EDN3: variants seen among roughly 807,000 people sequenced by gnomAD.
EDN3 encodes the protein endothelin 3.
A neutral mutation model predicts 21.4 loss-of-function variants in EDN3; 9 were observed. That is an observed-to-expected ratio of 0.42 (90% CI 0.25 to 0.73). EDN3 has a LOEUF of 0.73. Among genes scored for constraint, EDN3 ranks in the 30% least tolerant of loss-of-function variants. EDN3 has a pLI of 0.26. For synonymous variants in EDN3, 133 were observed against 126.2 expected (o/e 1.05, Z -0.36); for missense variants, 327 against 309.4 (o/e 1.06, Z -0.43).
At chr20:59,313,857 G>A (rs892589541) in intron 2 of EDN3, among the ~76,000 whole-genome samples, 7 of 152,224 alleles carry the variant, frequency 4.6e-5, no homozygotes, top group African/African-American at 1.7e-4. Flanking sequence ...TCACTGAGGA[G>A]CTATGTTTCC....
rs866199021 is a variant in EDN3, at chr20:59,308,029, C to T, written c.365+6307C>T. 4.6e-5 allele frequency among the ~76,000 whole-genome samples: 7 copies of T among 152,228 alleles called. No individual in the cohort carries two copies. In the South Asian group the frequency reaches 1.5e-3, roughly 32 times the overall value. ...GGCAAAACCCAAATCCTTGGTCCAT[C>T]ACAAGTCCTAAATTTTATTCTGGAA... is the stretch of plus-strand genomic sequence containing the variant. On this transcript the variant is annotated intron_variant, in intron 2 of 4. Transcript: ENST00000337938.
intron 2 of EDN3, among the ~76,000 whole-genome samples, chr20:59,307,780 G>C (rs1006456678): frequency 2.6e-5 from 4 of 151,958 alleles, no homozygotes; most frequent in Non-Finnish European, 5.9e-5. Context: ...GGGCTCAATC[G>C]AATCTCCCAC....
At chr20:59,311,598 G>T (rs1477806239) in intron 2 of EDN3, among the ~76,000 whole-genome samples, 3 of 151,910 alleles carry the variant, frequency 2.0e-5, no homozygotes, top group Admixed American at 6.6e-5. Flanking sequence ...ATAATGAGCA[G>T]TGAGGACAAC....
rs903072899 is a variant in EDN3 at position 59,322,787 on chromosome 20, C to G, written c.588+370C>G. 1.3e-5 allele frequency among the ~76,000 whole-genome samples: 2 copies of G among 152,212 alleles called. No homozygotes were observed. Among genetic ancestry groups the G allele is most frequent in the African/African-American group, 4.8e-5 (2 of 41,448 alleles). ...GGCCCTGTAGGCTGCTCTGCCCAGACCCACACTTCGCCTCTGCTTCCTTAG... is the reference window on the plus strand; with the variant it reads ...GGCCCTGTAGGCTGCTCTGCCCAGAGCCACACTTCGCCTCTGCTTCCTTAG... On this transcript the variant is annotated intron_variant, in intron 4 of 4. Coordinates refer to ENST00000337938, the MANE Select transcript of EDN3 (RefSeq NM_207034.3). This position sits in a 1 kb window ranked among gnomAD's most constrained non-coding sequence, Gnocchi z 4.1.
chr20:59,322,289 A>C lies in EDN3; in HGVS notation c.543-83A>C. ...CGCACTAATGTGCTCATTGGTGGGG[A>C]AGAGGAAGTCATAATTTGACACCGA... On this transcript the variant is annotated intron_variant, in intron 3 of 4. Coordinates refer to ENST00000337938, the MANE Select transcript of EDN3 (RefSeq NM_207034.3). This position sits in a 1 kb window ranked among gnomAD's most constrained non-coding sequence, Gnocchi z 4.1. The C allele has an allele frequency of 1.3e-6, 2 of 1,486,714 alleles. No individual in the cohort carries two copies. The highest frequency in any genetic ancestry group is 9.4e-7 in the Non-Finnish European group (1 of 1,065,034). The allele number at this position is 1,486,714 out of a possible 1,614,324, so 92.1% of individuals were successfully genotyped here.
In EDN3 at chr20:59,301,684, C is replaced by T. The variant is rs1368224593; in HGVS notation, c.327C>T (p.Tyr109=). The T allele has an allele frequency of 1.9e-6, 3 of 1,614,198 alleles. No homozygotes were observed. The change falls in exon 2 of 5, where the codon TAC becomes TAT. Residue 109 remains tyrosine (Y), a synonymous_variant. Coordinates refer to ENST00000337938, the MANE Select transcript of EDN3 (RefSeq NM_207034.3). ...CCTACAAGGACAAGGAGTGTGTCTA[C>T]TATTGCCACCTGGACATCATTTGGA... ...CFTYKDKECV[Y]YCHLDIIWIN... is the part of the protein sequence containing the mutation.
At chr20:59,315,528 G>A (rs1404786710) in intron 2 of EDN3, among the ~76,000 whole-genome samples, 1 of 152,200 alleles carries the variant, frequency 6.6e-6, no homozygotes, top group Non-Finnish European at 1.5e-5. Flanking sequence ...CACCAGCTGG[G>A]CTTTTTAAAT....
chr20:59,321,907 T>C (rs1448622732), intron 3 of EDN3, among the ~76,000 whole-genome samples: 1 of 152,224 alleles, frequency 6.6e-6, no homozygotes, highest in Admixed American at 6.5e-5. Flanking sequence ...TTCCTGTTAA[T>C]GCTCCTTACT....
In EDN3 at chr20:59,325,098, G is replaced by T. The variant is rs1368659564; in HGVS notation, c.*639G>T. 1.3e-5 allele frequency: 2 copies of T among 159,708 alleles called. No individual in the cohort carries two copies. The highest frequency in any genetic ancestry group is 1.2e-4 in the Admixed American group (2 of 17,242). The allele number at this position is 159,708 out of a possible 1,614,324, so 9.9% of individuals were successfully genotyped here. On this transcript the variant is annotated 3_prime_UTR_variant, in exon 5 of 5. Coordinates refer to ENST00000337938, the MANE Select transcript of EDN3 (RefSeq NM_207034.3). ...TCCTTGATGTTTGTGACAAGAAAAT[G>T]AGAAAGTTAGTATCTGCAATACAGA...
chr20:59,322,425 G>T lies in EDN3; in HGVS notation c.588+8G>T. 1 of 1,614,228 alleles carries T rather than the reference G, an allele frequency of 6.2e-7. No individual in the cohort carries two copies. Among genetic ancestry groups the T allele is most frequent in the African/African-American group, 1.3e-5 (1 of 75,056 alleles). On this transcript the variant is annotated splice_region_variant and intron_variant, in intron 4 of 4. Transcript: ENST00000337938. This position sits in a 1 kb window ranked among gnomAD's most constrained non-coding sequence, Gnocchi z 4.1. ...AAAGAAGAGGAAGGGAAGGTGAGAG[G>T]TGCCAACAGAGGCCTGTGTCAAAGG...
At chr20:59,319,655 G>A (rs1460718179) in intron 2 of EDN3, among the ~76,000 whole-genome samples, 1 of 151,420 alleles carries the variant, frequency 6.6e-6, no homozygotes, top group African/African-American at 2.4e-5. Context: ...GAATCGGGGA[G>A]GCAGAGGTTG....
At position 59,319,442 on chromosome 20, in the gene EDN3, G is replaced by T. The variant is rs979275266; in HGVS notation, c.366-1575G>T. ...AAAATGCAGCGAGGGGCTGGGCATG[G>T]TGGCTCACACCTGTAATCCAGCACT... is the stretch of plus-strand genomic sequence containing the variant. On this transcript the variant is annotated intron_variant, in intron 2 of 4. Coordinates refer to ENST00000337938, the MANE Select transcript of EDN3 (RefSeq NM_207034.3). Among the ~76,000 whole-genome samples the T allele has an allele frequency of 3.3e-5, 5 of 152,312 alleles. No homozygotes were observed. The South Asian group carries it at 1.0e-3, about 32-fold the overall frequency.
intron 2 of EDN3, among the ~76,000 whole-genome samples, chr20:59,318,515 T>C (rs1031841773): frequency 1.3e-5 from 2 of 152,314 alleles, no homozygotes; most frequent in South Asian, 4.1e-4. Flanking sequence ...GACTCTACAA[T>C]GTCAGCGGCA....
rs750694303 is a variant in EDN3 at position 59,301,474 on chromosome 20, A to C, written c.117A>C (p.Ala39=). 2 of 1,613,602 alleles carry C rather than the reference A, an allele frequency of 1.2e-6. No homozygotes were observed. Among genetic ancestry groups the C allele is most frequent in the East Asian group, 4.5e-5 (2 of 44,878 alleles). Reference sequence around the variant, plus strand: ...GCGGCGTGTCCCAGGCCCCCACTGCAGCCAGATCTGAGGGGGACTGTGAAG... The same window carrying C: ...GCGGCGTGTCCCAGGCCCCCACTGCCGCCAGATCTGAGGGGGACTGTGAAG... The part of the protein sequence containing the change: ...GRRGVSQAPT[A]ARSEGDCEET... The change falls in exon 2 of 5, where the codon GCA becomes GCC. Residue 39 remains alanine (A), a synonymous_variant. Coordinates refer to ENST00000337938, the MANE Select transcript of EDN3 (RefSeq NM_207034.3).
At chr20:59,300,945 A>T (rs996171405) in intron 1 of EDN3, 81 bp downstream of exon 1, 71 of 1,516,404 alleles carry the variant, frequency 4.7e-5, no homozygotes, top group Admixed American at 5.5e-5. Flanking sequence ...GGCGCGGAGA[A>T]GATGTGCGTC....
At chr20:59,302,786 G>T (rs1049455593) in intron 2 of EDN3, among the ~76,000 whole-genome samples, 1 of 152,118 alleles carries the variant, frequency 6.6e-6, no homozygotes, top group African/African-American at 2.4e-5. Flanking sequence ...CTTTGCCACC[G>T]TGTCCCGGAG....
chr20:59,303,606 G>A (rs1405374773), intron 2 of EDN3, among the ~76,000 whole-genome samples: 1 of 152,196 alleles, frequency 6.6e-6, no homozygotes, highest in Non-Finnish European at 1.5e-5. Flanking sequence ...TTCGTTGCCT[G>A]TTTACCAAAC....
Position 59,301,583 on chromosome 20 carries a change from C to A in EDN3, c.226C>A (p.Pro76Thr). The A allele has an allele frequency of 6.2e-7, 1 of 1,613,914 alleles. No individual in the cohort carries two copies. The highest frequency in any genetic ancestry group is 8.5e-7 in the Non-Finnish European group (1 of 1,179,942). The change falls in exon 2 of 5, where the codon CCT becomes ACT. Residue 76 changes from proline to threonine, a missense_variant. By Grantham distance (38) the Pro-to-Thr change is conservative. Transcript: ENST00000337938. ...VAPTALQGPS[P>T]GSPGQEQAAE... ...CCCGACAGCACTGCAGGGTCCAAGC[C>A]CTGGAAGCCCTGGGCAGGAGCAGGC...
intron 2 of EDN3, among the ~76,000 whole-genome samples, chr20:59,316,564 C>T (rs905160398): frequency 2.0e-5 from 3 of 152,208 alleles, no homozygotes. Context: ...CATGAAAAGG[C>T]AACACGGAAC....
Sources: gnomAD v4.1 joint callset for allele counts (sites outside exome capture counted in the v4.1 genomes callset) on GRCh38, gnomAD v4.1.1 for gene constraint, Gnocchi (gnomAD v3.1) non-coding constraint, MANE v1.5 for transcripts, NCBI Gene and HGNC (gene_info 2026-07-23, HGNC 2026-07-21) for gene names.